The following PSD3 variants were observed in gnomAD, a reference collection of about 807,000 sequenced individuals.
PSD3 encodes the protein PH and SEC7 domain-containing protein 3.
A neutral mutation model predicts 105.5 loss-of-function variants in PSD3; 49 were observed. The observed-to-expected ratio is 0.46, with a 90% CI of 0.37 to 0.59. PSD3 has a LOEUF of 0.59. PSD3 is among the 20% of genes least tolerant of loss of function. The pLI is 0.00. For missense variants in PSD3, 1,561 were observed against 1,263.8 expected, an observed-to-expected ratio of 1.24 and a Z score of -3.57; for synonymous variants, 557 against 457.8, an observed-to-expected ratio of 1.22 and a Z score of -2.77.
At chr8:18,979,561 G>A (rs1172064834) in intron 1 of PSD3, 1 of 152,112 alleles carries the variant, frequency 6.6e-6, no homozygotes. Flanking sequence ...GCTTATACAT[G>A]AGTGAAGCAT....
intron 9 of PSD3, among the ~76,000 whole-genome samples, chr8:18,670,470 G>A (rs1481466896): frequency 6.6e-6 from 1 of 152,160 alleles, no homozygotes; most frequent in African/African-American, 2.4e-5. Context: ...AAACAGCAGC[G>A]AGGCAGGTGG....
chr8:18,772,084 T>C (rs1442178643), intron 8 of PSD3, among the ~76,000 whole-genome samples: 2 of 152,202 alleles, frequency 1.3e-5, no homozygotes, highest in African/African-American at 4.8e-5. Context: ...GGCTGAACGA[T>C]TTTCCATTTT....
chr8:18,800,644 G>C (rs1441498360), intron 7 of PSD3, among the ~76,000 whole-genome samples: 1 of 152,152 alleles, frequency 6.6e-6, no homozygotes, highest in Non-Finnish European at 1.5e-5. Flanking sequence ...CAAACAAACA[G>C]TTTACCATTA....
intron 1 of PSD3, among the ~76,000 whole-genome samples, chr8:19,002,662 A>G (rs1341038123): frequency 6.6e-6 from 1 of 152,150 alleles, no homozygotes; most frequent in Non-Finnish European, 1.5e-5. Flanking sequence ...TAGGTTTCGT[A>G]TAATACCTAA....
intron 15 of PSD3, among the ~76,000 whole-genome samples, chr8:18,539,026 G>A (rs1284852715): frequency 1.3e-5 from 2 of 152,114 alleles, no homozygotes; most frequent in Admixed American, 1.3e-4. Context: ...AGGCTTATAG[G>A]GACACAGGTT....
At chr8:18,541,528 A>G (rs1168805539) in intron 15 of PSD3, among the ~76,000 whole-genome samples, 2 of 152,100 alleles carry the variant, frequency 1.3e-5, no homozygotes, top group Non-Finnish European at 2.9e-5. Flanking sequence ...TGACCCTGTC[A>G]GTATTGAAGC....
chr8:19,034,279 T>A (rs1015438667), intron 1 of PSD3, among the ~76,000 whole-genome samples: 1 of 152,200 alleles, frequency 6.6e-6, no homozygotes, highest in African/African-American at 2.4e-5. Context: ...GGTATCACAT[T>A]ATAGCAAGAA....
intron 4 of PSD3, among the ~76,000 whole-genome samples, chr8:18,823,977 C>T (rs1306320219): frequency 6.6e-6 from 1 of 151,938 alleles, no homozygotes; most frequent in Non-Finnish European, 1.5e-5. Context: ...CCTAGGAGTT[C>T]GAGACCAGCC....
At chr8:18,800,626 T>C (rs190822693) in intron 7 of PSD3, among the ~76,000 whole-genome samples, 3 of 152,340 alleles carry the variant, frequency 2.0e-5, no homozygotes, top group African/African-American at 7.2e-5. Context: ...CTTCACAAGG[T>C]AGGTCCACAA....
intron 4 of PSD3, among the ~76,000 whole-genome samples, chr8:18,850,928 T>C (rs1264602407): frequency 6.6e-6 from 1 of 152,092 alleles, no homozygotes; most frequent in African/African-American, 2.4e-5. Context: ...CCCTCCCTTC[T>C]GAATACAGGT....
intron 9 of PSD3, among the ~76,000 whole-genome samples, chr8:18,716,443 G>A (rs1297470538): frequency 6.6e-6 from 1 of 152,298 alleles, no homozygotes; most frequent in East Asian, 1.9e-4. Flanking sequence ...CCAATGAAAG[G>A]AAGTGTTCCA....
intron 1 of PSD3, among the ~76,000 whole-genome samples, chr8:19,019,808 A>C (rs945090135): frequency 4.6e-5 from 7 of 152,088 alleles, no homozygotes; most frequent in African/African-American, 1.7e-4. Flanking sequence ...CTGAATGCTG[A>C]GTGTATGCTG....
At chr8:18,593,169 C>T (rs1585327817) in intron 12 of PSD3, among the ~76,000 whole-genome samples, 1 of 152,082 alleles carries the variant, frequency 6.6e-6, no homozygotes, top group African/African-American at 2.4e-5. Context: ...AAGAAACTAC[C>T]ATCAGAGTGA....
rs187863997 is a variant in PSD3 at position 18,690,607 on chromosome 8, C to T, written c.2173-34922G>A. ...CACATGAGGCCTGATACAGGCTCCA[C>T]TGCCTGACATCTGAGCCTGCACCAG... On this transcript the variant is annotated intron_variant, in intron 9 of 15. Coordinates refer to ENST00000327040, the MANE Select transcript of PSD3 (RefSeq NM_015310.4). Among the ~76,000 whole-genome samples, 384 of 152,322 alleles carry T rather than the reference C, an allele frequency of 2.5e-3. 2 individuals carry two copies. The highest frequency in any genetic ancestry group is 4.2e-3 in the Non-Finnish European group (283 of 68,030).
chr8:18,573,036 C>T (rs941669573), intron 13 of PSD3, among the ~76,000 whole-genome samples: 7 of 152,276 alleles, frequency 4.6e-5, no homozygotes, highest in East Asian at 1.9e-4. Context: ...TAAAATCTAA[C>T]TGAGGAATGC....
chr8:18,694,454 C>T (rs1327276514), intron 9 of PSD3, among the ~76,000 whole-genome samples: 1 of 152,052 alleles, frequency 6.6e-6, no homozygotes, highest in Non-Finnish European at 1.5e-5. Flanking sequence ...ATTAAAAATA[C>T]AAAAAATTAG....
At chr8:18,805,980 T>C (rs1239143134) in intron 4 of PSD3, among the ~76,000 whole-genome samples, 1 of 152,192 alleles carries the variant, frequency 6.6e-6, no homozygotes, top group East Asian at 1.9e-4. Flanking sequence ...AAAAAGTGAC[T>C]AGTTTTTAGC....
chr8:18,987,633 C>T (rs1227154921), intron 1 of PSD3, among the ~76,000 whole-genome samples: 1 of 152,008 alleles, frequency 6.6e-6, no homozygotes, highest in Non-Finnish European at 1.5e-5. Context: ...CCCTGGGCAA[C>T]ACAGTGAAAC....
At chr8:19,038,147 T>C (rs1426747605) in intron 1 of PSD3, among the ~76,000 whole-genome samples, 1 of 152,064 alleles carries the variant, frequency 6.6e-6, no homozygotes, top group African/African-American at 2.4e-5. Flanking sequence ...AGCCAACATG[T>C]GGCATGTCAG....
Sources: gnomAD v4.1 joint callset for allele counts (sites outside exome capture counted in the v4.1 genomes callset) on GRCh38, gnomAD v4.1.1 for gene constraint, MANE v1.5 for transcripts, NCBI Gene and HGNC (gene_info 2026-07-23, HGNC 2026-07-21) for gene names.